The following SYT16 variants were observed in gnomAD, a reference collection of about 807,000 sequenced individuals.
SYT16 encodes the protein synaptotagmin 16.
A neutral mutation model predicts 61.4 loss-of-function variants in SYT16; 42 were observed. The ratio of observed to expected loss-of-function variants is 0.68; its 90% CI spans 0.53 to 0.89. The LOEUF is 0.89. Ranked by LOEUF, SYT16 falls within the 40% of genes least tolerant of loss-of-function variation. The pLI is 0.00. For missense variants in SYT16, 804 were observed against 807.3 expected (o/e 1.00, Z 0.05); for synonymous variants, 314 against 302.3 (o/e 1.04, Z -0.40).
At chr14:61,901,765 T>TAATAATA (rs1566665021) in intron 1 of SYT16, among the ~76,000 whole-genome samples, 3 of 141,948 alleles carry the variant, frequency 2.1e-5, no homozygotes, top group African/African-American at 8.4e-5. Flanking sequence ...TAATAATAAT[T>TAATAATA]ATTATTATTA....
At chr14:61,887,830 C>T (rs1038128702) in intron 1 of SYT16, among the ~76,000 whole-genome samples, 4 of 152,150 alleles carry the variant, frequency 2.6e-5, no homozygotes, top group African/African-American at 9.7e-5. Context: ...CTATCCAGAC[C>T]ACTAAAACAT....
intron 1 of SYT16, among the ~76,000 whole-genome samples, chr14:61,823,574 C>CAAAAAAAAAAA (rs55935256): frequency 4.1e-4 from 29 of 70,986 alleles, no homozygotes; most frequent in African/African-American, 5.0e-4. Flanking sequence ...ACTAAAAATA[C>CAAAAAAAAAAA]AAAAAAAAAA....
chr14:61,975,996 T>A (rs1214046516), intron 2 of SYT16, among the ~76,000 whole-genome samples: 1 of 152,216 alleles, frequency 6.6e-6, no homozygotes, highest in Non-Finnish European at 1.5e-5. Context: ...ACTTCTTAGA[T>A]ACAATGCAGG....
chr14:61,942,592 T>G (rs1182461547), intron 1 of SYT16, among the ~76,000 whole-genome samples: 1 of 152,210 alleles, frequency 6.6e-6, no homozygotes, highest in Non-Finnish European at 1.5e-5. Context: ...AGCAGGAATT[T>G]AGATGACTGT....
intron 1 of SYT16, among the ~76,000 whole-genome samples, chr14:61,955,475 A>G (rs1463091254): frequency 3.9e-5 from 6 of 151,922 alleles, no homozygotes; most frequent in Admixed American, 1.3e-4. Flanking sequence ...GGCAACTAAC[A>G]TTCTCTCTGC....
At chr14:62,055,476 T>C (rs893622128) in intron 3 of SYT16, among the ~76,000 whole-genome samples, 1 of 152,154 alleles carries the variant, frequency 6.6e-6, no homozygotes, top group South Asian at 2.1e-4. Flanking sequence ...ACTACAGATA[T>C]GAATCTGTTT....
At chr14:61,842,753 C>T (rs2046334443) in intron 1 of SYT16, among the ~76,000 whole-genome samples, 1 of 148,434 alleles carries the variant, frequency 6.7e-6, no homozygotes, top group Admixed American at 6.8e-5. Context: ...GGAAGGGGAA[C>T]ATCACACACC....
intron 1 of SYT16, among the ~76,000 whole-genome samples, chr14:61,886,308 C>T (rs1412762466): frequency 6.6e-6 from 1 of 152,168 alleles, no homozygotes; most frequent in Non-Finnish European, 1.5e-5. Context: ...AAGTTTGCTG[C>T]ATTGATTGAC....
At position 62,080,966 on chromosome 14, in the gene SYT16, G is replaced by A. The variant is rs761870835; in HGVS notation, c.1126G>A (p.Gly376Ser). The A allele has an allele frequency of 1.9e-6, 3 of 1,612,600 alleles. No homozygotes were observed. Among genetic ancestry groups the A allele is most frequent in the Non-Finnish European group, 2.5e-6 (3 of 1,179,306 alleles). ...KLTVTIVRAQGLPDKDRSGVN... is the reference protein window; with the variant it reads ...KLTVTIVRAQSLPDKDRSGVN... ...CACAGTGACCATTGTGAGGGCACAG[G>A]GCCTCCCAGATAAGGACCGAAGTGG... The change falls in exon 6 of 8, where the codon GGC (glycine) becomes AGC (serine). Residue 376 changes from glycine (G) to serine (S), a missense_variant. Gly to Ser is a moderately conservative substitution (Grantham distance 56). Transcript: ENST00000683842.
At chr14:61,976,294 A>C (rs2140544482) in intron 2 of SYT16, among the ~76,000 whole-genome samples, 1 of 152,236 alleles carries the variant, frequency 6.6e-6, no homozygotes, top group African/African-American at 2.4e-5. Flanking sequence ...ACATGGTGCA[A>C]GCTGTTGGTG....
At chr14:61,815,867 A>G (rs1013043964) in intron 1 of SYT16, among the ~76,000 whole-genome samples, 3 of 152,270 alleles carry the variant, frequency 2.0e-5, no homozygotes, top group African/African-American at 4.8e-5. Flanking sequence ...TATTCCATTT[A>G]TGGCATATGT....
At chr14:62,064,101 T>A (rs779739078) in intron 3 of SYT16, among the ~76,000 whole-genome samples, 3 of 152,126 alleles carry the variant, frequency 2.0e-5, no homozygotes, top group Admixed American at 6.5e-5. Context: ...AAATTTCTAC[T>A]GTATTATTTC....
Position 62,080,019 on chromosome 14 carries a change from T to G in SYT16, c.994-815T>G, listed in dbSNP as rs545672997. On this transcript the variant is annotated intron_variant, in intron 5 of 7. Transcript: ENST00000683842. ...ACACACCAGCAAGTAGGCACATTAA[T>G]GTGCATTTTTAAGCTAGACTACCGA... 3.3e-5 allele frequency among the ~76,000 whole-genome samples: 5 copies of G among 152,348 alleles called. No individual in the cohort carries two copies. In the Middle Eastern group the frequency reaches 0.01, roughly 311 times the overall value.
intron 3 of SYT16, among the ~76,000 whole-genome samples, chr14:62,049,374 G>T (rs1487868676): frequency 6.6e-6 from 1 of 152,110 alleles, no homozygotes; most frequent in Non-Finnish European, 1.5e-5. Context: ...ATGTGTCTCT[G>T]CATGTGAGAT....
At chr14:61,846,135 G>T (rs752777174) in intron 1 of SYT16, among the ~76,000 whole-genome samples, 2 of 152,190 alleles carry the variant, frequency 1.3e-5, no homozygotes, top group African/African-American at 2.4e-5. Flanking sequence ...GCTGTTGGAT[G>T]AAATGTTCTG....
intron 3 of SYT16, among the ~76,000 whole-genome samples, chr14:62,058,669 T>G (rs551227619): frequency 1.3e-5 from 2 of 152,224 alleles, no homozygotes; most frequent in South Asian, 2.1e-4. Flanking sequence ...TGGCCTAAAT[T>G]CTTAAGAAAC....
chr14:61,919,916 G>A (rs2049266152), intron 1 of SYT16, among the ~76,000 whole-genome samples: 1 of 3,566 alleles, frequency 2.8e-4, no homozygotes, highest in Admixed American at 3.3e-3. Context: ...TCAAACCTCT[G>A]AGATGATTTA....
chr14:61,956,741 C>T (rs563383302), intron 1 of SYT16, among the ~76,000 whole-genome samples: 2 of 151,908 alleles, frequency 1.3e-5, no homozygotes, highest in Non-Finnish European at 2.9e-5. Context: ...AGTGTGCTAC[C>T]TCTAGCTTTT....
intron 7 of SYT16, among the ~76,000 whole-genome samples, chr14:62,091,323 G>A (rs2057064775): frequency 6.6e-6 from 1 of 152,194 alleles, no homozygotes; most frequent in East Asian, 1.9e-4. Flanking sequence ...TTAGGAAAAA[G>A]CAACTAAATG....
Sources: gnomAD v4.1 joint callset for allele counts (sites outside exome capture counted in the v4.1 genomes callset) on GRCh38, gnomAD v4.1.1 for gene constraint, MANE v1.5 for transcripts, NCBI Gene and HGNC (gene_info 2026-07-23, HGNC 2026-07-21) for gene names.